TMPPE: variants seen among roughly 807,000 people sequenced by gnomAD.
The protein encoded by TMPPE is transmembrane protein with metallophosphoesterase domain.
TMPPE carries 16 observed loss-of-function variants against 22.6 expected under a neutral mutation model. That is an observed-to-expected ratio of 0.71 (90% CI 0.48 to 1.08). The LOEUF (loss-of-function observed/expected upper bound fraction) is 1.08. Among genes scored for constraint, TMPPE ranks in the 50% least tolerant of loss-of-function variants. TMPPE has a pLI of 0.00. For missense variants in TMPPE, 526 were observed against 584.3 expected, an observed-to-expected ratio of 0.90 and a Z score of 1.03; for synonymous variants, 240 against 245.3, an observed-to-expected ratio of 0.98 and a Z score of 0.20.
chr3:33,092,860 C>CT lies in TMPPE; in HGVS notation c.1335dup (p.Glu446ArgfsTer54). ...CAGGGAGACCGCTGCAGGATGAGCT[C>CT]TGTGATCTCGGCCCTGCTACCCAGC... On this transcript the variant is annotated frameshift_variant, in exon 2 of 2. Transcript: ENST00000342462. LOFTEE classifies it high-confidence loss of function. The CT allele has an allele frequency of 6.2e-7, 1 of 1,610,264 alleles. No homozygotes were observed. The highest frequency in any genetic ancestry group is 8.5e-7 in the Non-Finnish European group (1 of 1,177,724).
In TMPPE at chr3:33,093,999, C is replaced by CT; in HGVS notation, c.196dup (p.Ser66LysfsTer86). ...GGAGTGGCAGAGGTTGCTCACTGTG[C>CT]TGCGCCAAATGTAGAGGGAGCCAAT... is the stretch of plus-strand genomic sequence containing the variant. On this transcript the variant is annotated frameshift_variant, in exon 2 of 2. Transcript: ENST00000342462. LOFTEE classifies it high-confidence loss of function. This position sits in a 1 kb window ranked among gnomAD's most constrained non-coding sequence, Gnocchi z 6.0. The CT allele has an allele frequency of 6.2e-7, 1 of 1,614,182 alleles. No homozygotes were observed. Among genetic ancestry groups the CT allele is most frequent in the South Asian group, 1.1e-5 (1 of 91,082 alleles).
Position 33,092,760 on chromosome 3 carries a change from C to G in TMPPE, c.*74G>C. 6.6e-7 allele frequency: 1 copy of G among 1,517,548 alleles called. No individual in the cohort carries two copies. The highest frequency in any genetic ancestry group is 8.8e-7 in the Non-Finnish European group (1 of 1,133,862). The allele number at this position is 1,517,548 out of a possible 1,614,324, so 94.0% of individuals were successfully genotyped here. On this transcript the variant is annotated 3_prime_UTR_variant, in exon 2 of 2. Coordinates refer to ENST00000342462, the MANE Select transcript of TMPPE (RefSeq NM_001039770.3). ...AGTGGGCAAGGCTGGAGGGGAAAAG[C>G]AGGCAAACCACTCTGAAGCAGGATG...
chr3:33,096,432 G>A, intron 1 of TMPPE: 1 of 984,196 alleles, frequency 1.0e-6, no homozygotes, highest in Non-Finnish European at 1.2e-6. Flanking sequence ...AACGCCGAAG[G>A]AAAACGGTCC....
Position 33,092,811 on chromosome 3 carries a change from GA to G in TMPPE, c.*22del. On this transcript the variant is annotated 3_prime_UTR_variant, in exon 2 of 2. Coordinates refer to ENST00000342462, the MANE Select transcript of TMPPE (RefSeq NM_001039770.3). Reference sequence around the variant, plus strand: ...GAGGGTCGAGGACAAGGGCAGGGCAGAGGTGCACAGGGCAGGGCCAGTTCAG... The same window carrying G: ...GAGGGTCGAGGACAAGGGCAGGGCAGGGTGCACAGGGCAGGGCCAGTTCAG... 1 of 1,569,470 alleles carries G rather than the reference GA, an allele frequency of 6.4e-7. No homozygotes were observed. Among genetic ancestry groups the G allele is most frequent in the Non-Finnish European group, 8.7e-7 (1 of 1,155,710 alleles).
chr3:33,096,768 G>A lies in TMPPE; in HGVS notation c.-158C>T, dbSNP rs1401274351. On this transcript the variant is annotated 5_prime_UTR_variant, in exon 1 of 2. Coordinates refer to ENST00000342462, the MANE Select transcript of TMPPE (RefSeq NM_001039770.3). ...TGGGGAAGTGGATCCAAGCGCAAAGGGCGGCCGGAGCGGAACGCACAAGCG... is the reference window on the plus strand; with the variant it reads ...TGGGGAAGTGGATCCAAGCGCAAAGAGCGGCCGGAGCGGAACGCACAAGCG... The A allele has an allele frequency of 4.7e-5, 62 of 1,323,256 alleles. No homozygotes were observed. Among genetic ancestry groups the A allele is most frequent in the South Asian group, 5.8e-5 (3 of 51,320 alleles). 82.0% of individuals were successfully genotyped at this position (1,323,256 alleles called of 1,614,324 possible). A position where few individuals can be genotyped will look rare whatever the true frequency, so the allele number is the denominator to read the frequency against.
chr3:33,091,034 A>C lies in TMPPE; in HGVS notation c.*1800T>G. ...GAAATAACACGTAACAGGTGAGTCA[A>C]ACATTACCAGCCGCATCAAACAGTG... On this transcript the variant is annotated 3_prime_UTR_variant, in exon 2 of 2. Transcript: ENST00000342462. 1.0e-6 allele frequency: 1 copy of C among 985,458 alleles called. No individual in the cohort carries two copies. Among genetic ancestry groups the C allele is most frequent in the East Asian group, 1.1e-4 (1 of 8,816 alleles). The allele number at this position is 985,458 out of a possible 1,614,324, so 61.0% of individuals were successfully genotyped here. A position where few individuals can be genotyped will look rare whatever the true frequency, so the allele number is the denominator to read the frequency against.
Position 33,095,929 on chromosome 3 carries a change from A to T in TMPPE, c.-109+790T>A, listed in dbSNP as rs1298442939. ...CAGACGGGGTGAAGAGGGAGCAGCA[A>T]ATAATCTGTGCTGACTTTTTCCCAA... On this transcript the variant is annotated intron_variant, in intron 1 of 1. Transcript: ENST00000342462. Among the ~76,000 whole-genome samples, 3 of 152,266 alleles carry T rather than the reference A, an allele frequency of 2.0e-5. No homozygotes were observed. In the East Asian group the frequency reaches 5.8e-4, roughly 29 times the overall value.
chr3:33,094,618 T>C (rs1003924814), intron 1 of TMPPE, among the ~76,000 whole-genome samples: 7 of 152,214 alleles, frequency 4.6e-5, no homozygotes, highest in African/African-American at 1.7e-4. Context: ...GGGGTCCAAT[T>C]AGTCAAAACT....
At position 33,092,826 on chromosome 3, in the gene TMPPE, G is replaced by C; in HGVS notation, c.*8C>G. On this transcript the variant is annotated 3_prime_UTR_variant, in exon 2 of 2. Coordinates refer to ENST00000342462, the MANE Select transcript of TMPPE (RefSeq NM_001039770.3). Reference sequence around the variant, plus strand: ...GGGCAGGGCAGAGGTGCACAGGGCAGGGCCAGTTCAGGGAGACCGCTGCAG... The same window carrying C: ...GGGCAGGGCAGAGGTGCACAGGGCACGGCCAGTTCAGGGAGACCGCTGCAG... 6.3e-7 allele frequency: 1 copy of C among 1,589,292 alleles called. No individual in the cohort carries two copies. The highest frequency in any genetic ancestry group is 8.6e-7 in the Non-Finnish European group (1 of 1,166,452).
chr3:33,094,862 A>G (rs1429738020), intron 1 of TMPPE, among the ~76,000 whole-genome samples: 1 of 152,206 alleles, frequency 6.6e-6, no homozygotes, highest in Non-Finnish European at 1.5e-5. Context: ...TTTTTCAAAT[A>G]TATATATTGT....
rs1700822430 is a variant in TMPPE, at chr3:33,092,812, A to G, written c.*22T>C. ...AGGGTCGAGGACAAGGGCAGGGCAG[A>G]GGTGCACAGGGCAGGGCCAGTTCAG... On this transcript the variant is annotated 3_prime_UTR_variant, in exon 2 of 2. Coordinates refer to ENST00000342462, the MANE Select transcript of TMPPE (RefSeq NM_001039770.3). 6.4e-7 allele frequency: 1 copy of G among 1,569,632 alleles called. No individual in the cohort carries two copies. The highest frequency in any genetic ancestry group is 1.8e-5 in the Admixed American group (1 of 55,996).
chr3:33,091,244 G>T lies in TMPPE; in HGVS notation c.*1590C>A. ...TCAAAGATACATTTTAAACTGCATG[G>T]TATGGCCCACTGTCAATACCGTGGC... On this transcript the variant is annotated 3_prime_UTR_variant, in exon 2 of 2. Transcript: ENST00000342462. The T allele has an allele frequency of 1.1e-5, 11 of 985,468 alleles. No homozygotes were observed. Among genetic ancestry groups the T allele is most frequent in the Non-Finnish European group, 1.3e-5 (11 of 829,992 alleles). The allele number at this position is 985,468 out of a possible 1,614,324, so 61.0% of individuals were successfully genotyped here.
chr3:33,094,803 GTAAAAC>G (rs1700935796), intron 1 of TMPPE, among the ~76,000 whole-genome samples: 1 of 152,180 alleles, frequency 6.6e-6, no homozygotes. Context: ...TTGCAGAAAT[GTAAAAC>G]AGTGCAACTC....
chr3:33,091,195 T>C lies in TMPPE; in HGVS notation c.*1639A>G, dbSNP rs1700743981. ...AGGACAGTGAAGAGAGAAAAAAGAA[T>C]AAGGAAACCACCAAAATTTCAACTC... On this transcript the variant is annotated 3_prime_UTR_variant, in exon 2 of 2. Transcript: ENST00000342462. 2 of 985,378 alleles carry C rather than the reference T, an allele frequency of 2.0e-6. No homozygotes were observed. The highest frequency in any genetic ancestry group is 5.2e-4 in the Middle Eastern group (1 of 1,914). The allele number at this position is 985,378 out of a possible 1,614,324, so 61.0% of individuals were successfully genotyped here. A position where few individuals can be genotyped will look rare whatever the true frequency, so the allele number is the denominator to read the frequency against.
chr3:33,096,317 C>T, intron 1 of TMPPE: 7 of 908,558 alleles, frequency 7.7e-6, no homozygotes, highest in Non-Finnish European at 9.2e-6. Context: ...CTCCCACCAA[C>T]TGTGCACGCC....
chr3:33,092,710 G>A lies in TMPPE; in HGVS notation c.*124C>T. 2.0e-6 allele frequency: 3 copies of A among 1,468,456 alleles called. No homozygotes were observed. Among genetic ancestry groups the A allele is most frequent in the Non-Finnish European group, 2.7e-6 (3 of 1,113,790 alleles). The allele number at this position is 1,468,456 out of a possible 1,614,324, so 91.0% of individuals were successfully genotyped here. ...AAGTCACTGTTTGAGTCAGGCTTGT[G>A]ACCAAGGGTGTGTAGGCAAGGATGA... On this transcript the variant is annotated 3_prime_UTR_variant, in exon 2 of 2. Coordinates refer to ENST00000342462, the MANE Select transcript of TMPPE (RefSeq NM_001039770.3).
chr3:33,091,265 G>A lies in TMPPE; in HGVS notation c.*1569C>T, dbSNP rs188214950. On this transcript the variant is annotated 3_prime_UTR_variant, in exon 2 of 2. Coordinates refer to ENST00000342462, the MANE Select transcript of TMPPE (RefSeq NM_001039770.3). ...CATGGTATGGCCCACTGTCAATACC[G>A]TGGCTGCCTGGGAACAAAAAGGGTG... is the stretch of plus-strand genomic sequence containing the variant. 63 of 985,298 alleles carry A rather than the reference G, an allele frequency of 6.4e-5. No individual in the cohort carries two copies. The highest frequency in any genetic ancestry group is 6.1e-4 in the African/African-American group (35 of 57,208). The allele number at this position is 985,298 out of a possible 1,614,324, so 61.0% of individuals were successfully genotyped here.
rs911699153 is a variant in TMPPE at position 33,092,741 on chromosome 3, C to G, written c.*93G>C. 6.6e-7 allele frequency: 1 copy of G among 1,504,584 alleles called. No individual in the cohort carries two copies. Among genetic ancestry groups the G allele is most frequent in the African/African-American group, 1.4e-5 (1 of 71,742 alleles). The allele number at this position is 1,504,584 out of a possible 1,614,324, so 93.2% of individuals were successfully genotyped here. On this transcript the variant is annotated 3_prime_UTR_variant, in exon 2 of 2. Coordinates refer to ENST00000342462, the MANE Select transcript of TMPPE (RefSeq NM_001039770.3). ...GGGTGTGTAGGCAAGGATGAGTGGG[C>G]AAGGCTGGAGGGGAAAAGCAGGCAA...
At chr3:33,096,522 G>A in intron 1 of TMPPE, 197 bp downstream of exon 1, 1 of 985,354 alleles carries the variant, frequency 1.0e-6, no homozygotes. Context: ...CGAAGAGGGA[G>A]AGCACCCAGA....
Sources: allele counts gnomAD v4.1 joint callset (sites outside exome capture counted in the v4.1 genomes callset), GRCh38; gene constraint gnomAD v4.1.1; non-coding constraint Gnocchi (gnomAD v3.1); transcripts MANE v1.5; gene names NCBI Gene and HGNC (gene_info 2026-07-23, HGNC 2026-07-21).